Variants in MBD3 observed in about 807,000 individuals in gnomAD.
The protein encoded by MBD3 is methyl-CpG-binding domain protein 3.
Under a neutral mutation model 31.2 loss-of-function variants are expected in MBD3, and 13 were observed. That is an observed-to-expected ratio of 0.42 (90% CI 0.27 to 0.66). MBD3 has a LOEUF of 0.66. Ranked by LOEUF, MBD3 falls within the 30% of genes least tolerant of loss-of-function variation. The probability of loss-of-function intolerance (pLI) is 0.26; values close to 1 mark genes in which losing one functional copy is unlikely to be tolerated. For synonymous variants in MBD3, 223 were observed against 187.4 expected, an observed-to-expected ratio of 1.19 and a Z score of -1.55; for missense variants, 440 against 426.5, an observed-to-expected ratio of 1.03 and a Z score of -0.28.
rs1917236190 is a variant in MBD3, at chr19:1,577,696, A to C, written c.*468T>G. 1 of 157,156 alleles carries C rather than the reference A, an allele frequency of 6.4e-6. No individual in the cohort carries two copies. Among genetic ancestry groups the C allele is most frequent in the African/African-American group, 2.4e-5 (1 of 41,448 alleles). The allele number at this position is 157,156 out of a possible 1,614,324, so 9.7% of individuals were successfully genotyped here. On this transcript the variant is annotated 3_prime_UTR_variant, in exon 7 of 7. Transcript: ENST00000434436. ...CGCCGTCCTGCATGCCCCCCACAGC[A>C]GACCAGAGTCCCGTCCTCACGCTGC...
intron 5 of MBD3, 96 bp downstream of exon 5, chr19:1,580,996 G>T: frequency 6.9e-7 from 1 of 1,458,124 alleles, no homozygotes; most frequent in South Asian, 1.2e-5. Context: ...CAGCATCGTG[G>T]GGAGACGGGA....
Position 1,578,442 on chromosome 19 carries a change from C to T in MBD3, c.774G>A (p.Gly258=). Reference sequence around the variant, plus strand: ...CGCAGGCCTTGTCCAGCGGCGCCTCCCCGTCACGGGCCAGCTCCTCCACGT... The same window carrying T: ...CGCAGGCCTTGTCCAGCGGCGCCTCTCCGTCACGGGCCAGCTCCTCCACGT... ...LAHVEELARD[G]EAPLDKACAE... Residue 258 remains glycine, a synonymous_variant, in exon 6 of 7, where the codon GGG becomes GGA. Coordinates refer to ENST00000434436, the MANE Select transcript of MBD3 (RefSeq NM_001281453.2). The surrounding 1 kb of genome is among the most constrained non-coding windows in gnomAD (Gnocchi z 6.1). The T allele has an allele frequency of 6.2e-7, 1 of 1,607,090 alleles. No homozygotes were observed. Among genetic ancestry groups the T allele is most frequent in the Non-Finnish European group, 8.5e-7 (1 of 1,179,824 alleles).
At chr19:1,591,698 GAAAA>G (rs549891651) in intron 1 of MBD3, among the ~76,000 whole-genome samples, 8 of 139,130 alleles carry the variant, frequency 5.8e-5, no homozygotes, top group African/African-American at 1.6e-4. Flanking sequence ...CCCGAGCCAG[GAAAA>G]AAAAAAAAAA....
At position 1,587,743 on chromosome 19, in the gene MBD3, T is replaced by C. The variant is rs77444707; in HGVS notation, c.111-2529A>G. On this transcript the variant is annotated intron_variant, in intron 1 of 6. Coordinates refer to ENST00000434436, the MANE Select transcript of MBD3 (RefSeq NM_001281453.2). ...TTATCTTGATAAAATCATTTAGAAATAATAGCACTTGTATGGTGCTTACTA... is the reference window on the plus strand; with the variant it reads ...TTATCTTGATAAAATCATTTAGAAACAATAGCACTTGTATGGTGCTTACTA... Among the ~76,000 whole-genome samples, 882 of 152,336 alleles carry C rather than the reference T, an allele frequency of 5.8e-3. 7 individuals carry two copies. Among genetic ancestry groups the C allele is most frequent in the African/African-American group, 0.018 (765 of 41,574 alleles).
At chr19:1,581,059 G>A (rs1917341355) in intron 5 of MBD3, 33 bp downstream of exon 5, 1 of 1,613,474 alleles carries the variant, frequency 6.2e-7, no homozygotes, top group African/African-American at 1.3e-5. Flanking sequence ...AAGAGACAGG[G>A]TGGAGCAGCA....
intron 2 of MBD3, 125 bp from the exon 3 acceptor site, chr19:1,584,802 AC>A (rs2060670268): frequency 1.8e-6 from 2 of 1,090,718 alleles, no homozygotes; most frequent in Non-Finnish European, 2.5e-6. Flanking sequence ...GCCCGCCAGG[AC>A]CCCCACGGTC....
At chr19:1,591,789 T>C (rs1599350896) in intron 1 of MBD3, among the ~76,000 whole-genome samples, 1 of 150,002 alleles carries the variant, frequency 6.7e-6, no homozygotes, top group Non-Finnish European at 1.5e-5. Flanking sequence ...ACGGAGGGGG[T>C]TCCCTGCGAC....
chr19:1,582,743 G>GGGCAGGGCCACTCT, intron 3 of MBD3, 31 bp from the exon 4 acceptor site: 1 of 1,592,828 alleles, frequency 6.3e-7, no homozygotes, highest in Non-Finnish European at 8.6e-7. Flanking sequence ...AACCTCAAGA[G>GGGCAGGGCCACTCT]TGGCCCTGCC....
At chr19:1,591,446 G>T (rs1292329114) in intron 1 of MBD3, among the ~76,000 whole-genome samples, 1 of 152,206 alleles carries the variant, frequency 6.6e-6, no homozygotes, top group East Asian at 1.9e-4. Context: ...CACAGTGGAC[G>T]GAGCGGTCGT....
chr19:1,591,025 T>C (rs2060701108), intron 1 of MBD3, among the ~76,000 whole-genome samples: 2 of 152,206 alleles, frequency 1.3e-5, no homozygotes, highest in South Asian at 4.1e-4. Context: ...GATGACAGCC[T>C]CAGGATACTC....
In MBD3 at chr19:1,574,902, G is replaced by A. The variant is rs1260767983; in HGVS notation, c.*3262C>T. The A allele has an allele frequency of 6.9e-6, 2 of 287,820 alleles. No homozygotes were observed. Among genetic ancestry groups the A allele is most frequent in the Non-Finnish European group, 1.4e-5 (2 of 142,880 alleles). 17.8% of individuals were successfully genotyped at this position (287,820 alleles called of 1,614,324 possible). On this transcript the variant is annotated 3_prime_UTR_variant, in exon 7 of 7. Coordinates refer to ENST00000434436, the MANE Select transcript of MBD3 (RefSeq NM_001281453.2). ...CCCTGTCTGCCTGGGTCTGGGGGCTGCAGGGACAGCAAGGCACGGGCCCTG... is the reference window on the plus strand; with the variant it reads ...CCCTGTCTGCCTGGGTCTGGGGGCTACAGGGACAGCAAGGCACGGGCCCTG...
chr19:1,574,889 G>C lies in MBD3; in HGVS notation c.*3275C>G. The stretch of plus-strand genomic sequence containing the variant: ...TCAGAAGGGCTGTCCCTGTCTGCCT[G>C]GGTCTGGGGGCTGCAGGGACAGCAA... On this transcript the variant is annotated 3_prime_UTR_variant, in exon 7 of 7. Transcript: ENST00000434436. 1 of 259,594 alleles carries C rather than the reference G, an allele frequency of 3.9e-6. No individual in the cohort carries two copies. Among genetic ancestry groups the C allele is most frequent in the African/African-American group, 2.3e-5 (1 of 43,196 alleles). The allele number at this position is 259,594 out of a possible 1,614,324, so 16.1% of individuals were successfully genotyped here.
chr19:1,581,801 C>T (rs980300560), intron 4 of MBD3: 21 of 192,838 alleles, frequency 1.1e-4, no homozygotes, highest in Middle Eastern at 4.8e-3. Context: ...ACGGAGTCTC[C>T]CTCTGTTGCC....
chr19:1,578,439 C>A lies in MBD3; in HGVS notation c.777G>T (p.Glu259Asp). Residue 259 changes from glutamate (E) to aspartate (D), a missense_variant, in exon 6 of 7, where the codon GAG becomes GAT. Transcript: ENST00000434436. The surrounding 1 kb of genome is among the most constrained non-coding windows in gnomAD (Gnocchi z 6.1). ...CAGCGCAGGCCTTGTCCAGCGGCGCCTCCCCGTCACGGGCCAGCTCCTCCA... is the reference window on the plus strand; with the variant it reads ...CAGCGCAGGCCTTGTCCAGCGGCGCATCCCCGTCACGGGCCAGCTCCTCCA... ...AHVEELARDGEAPLDKACAED... is the reference protein window; with the variant it reads ...AHVEELARDGDAPLDKACAED... 1 of 1,606,656 alleles carries A rather than the reference C, an allele frequency of 6.2e-7. No individual in the cohort carries two copies.
At chr19:1,587,557 C>T (rs1279665013) in intron 1 of MBD3, among the ~76,000 whole-genome samples, 4 of 152,078 alleles carry the variant, frequency 2.6e-5, no homozygotes, top group African/African-American at 7.2e-5. Context: ...TAGGACTACA[C>T]GTGTGCACCA....
chr19:1,589,344 CA>C (rs35111393), intron 1 of MBD3, among the ~76,000 whole-genome samples: 22,013 of 65,886 alleles, frequency 0.33, 2,136 homozygotes, highest in East Asian at 0.57. Flanking sequence ...AACTCGGTCT[CA>C]AAAAAAAAAA....
At chr19:1,582,360 G>C (rs2060656539) in intron 4 of MBD3, among the ~76,000 whole-genome samples, 1 of 152,114 alleles carries the variant, frequency 6.6e-6, no homozygotes. Context: ...GGTGAAAACA[G>C]CCCCAGGCCT....
intron 1 of MBD3, among the ~76,000 whole-genome samples, chr19:1,589,344 C>CAAA (rs35111393): frequency 2.8e-3 from 183 of 64,848 alleles, no homozygotes; most frequent in Non-Finnish European, 4.0e-3. Flanking sequence ...AACTCGGTCT[C>CAAA]AAAAAAAAAA....
At chr19:1,587,262 G>A (rs995011124) in intron 1 of MBD3, among the ~76,000 whole-genome samples, 5 of 152,000 alleles carry the variant, frequency 3.3e-5, no homozygotes, top group Non-Finnish European at 5.9e-5. Context: ...ACCGCGCCCA[G>A]CCAATTTTTA....
Sources: allele counts gnomAD v4.1 joint callset (sites outside exome capture counted in the v4.1 genomes callset), GRCh38; gene constraint gnomAD v4.1.1; non-coding constraint Gnocchi (gnomAD v3.1); transcripts MANE v1.5; gene names NCBI Gene and HGNC (gene_info 2026-07-23, HGNC 2026-07-21).